ITPRID2: variants seen among roughly 807,000 people sequenced by gnomAD.
ITPRID2 encodes protein ITPRID2.
Under a neutral mutation model 124.3 loss-of-function variants are expected in ITPRID2, and 60 were observed. That is an observed-to-expected ratio of 0.48 (90% CI 0.39 to 0.60). ITPRID2 has a LOEUF of 0.60. Among genes scored for constraint, ITPRID2 ranks in the 20% least tolerant of loss-of-function variants. The pLI is 0.00. For missense variants in ITPRID2, 1,553 were observed against 1,512.2 expected (o/e 1.03, Z -0.45); for synonymous variants, 521 against 542.9 (o/e 0.96, Z 0.56).
chr2:181,893,928 T>A (rs910867825), intron 2 of ITPRID2: 1 of 152,238 alleles, frequency 6.6e-6, no homozygotes, highest in Non-Finnish European at 1.5e-5. Flanking sequence ...TGAGATCTGA[T>A]AAAACTAGTA....
Position 181,921,957 on chromosome 2 carries a change from C to CA in ITPRID2, c.3220_3221insA (p.Leu1074HisfsTer11). Reference sequence around the variant, plus strand: ...TTTTTATGATCTCCAGGTCACTGAACTGATGCAGGAGCAGTCATACCTGAA... The same window carrying CA: ...TTTTTATGATCTCCAGGTCACTGAACATGATGCAGGAGCAGTCATACCTGAA... On this transcript the variant is annotated frameshift_variant, in exon 16 of 18. Coordinates refer to ENST00000431877, the MANE Select transcript of ITPRID2 (RefSeq NM_001130445.3). LOFTEE classifies it high-confidence loss of function. 1.2e-6 allele frequency: 2 copies of CA among 1,613,670 alleles called. No individual in the cohort carries two copies. The highest frequency in any genetic ancestry group is 4.5e-5 in the East Asian group (2 of 44,880).
At chr2:181,918,203 A>G (rs773266033) in intron 11 of ITPRID2, 148 of 622,010 alleles carry the variant, frequency 2.4e-4, no homozygotes, top group Non-Finnish European at 2.9e-4. Context: ...AAATGCTAAG[A>G]TGTCTGAGAA....
rs765517256 is a variant in ITPRID2 at position 181,901,867 on chromosome 2, T to A, written c.814T>A (p.Ser272Thr). Residue 272 changes from serine to threonine, a missense_variant, in exon 8 of 18, where the codon TCC becomes ACC. Physicochemically the swap from Ser to Thr is moderately conservative, Grantham distance 58. Coordinates refer to ENST00000431877, the MANE Select transcript of ITPRID2 (RefSeq NM_001130445.3). ...GTPLQRIGSM[S>T]SVTSNKETDP... is the part of the protein sequence containing the mutation. ...GCCCCTGCAGAGAATTGGAAGTATG[T>A]CCTCAGTGACCTCTAACAAGGAGAC... 8 of 1,613,844 alleles carry A rather than the reference T, an allele frequency of 5.0e-6. No homozygotes were observed. In the East Asian group the frequency reaches 1.6e-4, roughly 31 times the overall value.
chr2:181,923,333 A>G (rs1694622592), intron 16 of ITPRID2, among the ~76,000 whole-genome samples: 1 of 152,242 alleles, frequency 6.6e-6, no homozygotes, highest in Non-Finnish European at 1.5e-5. Context: ...GCAGTTCTCT[A>G]GTATTTCAAT....
chr2:181,916,936 GCA>G (rs1694107403), intron 11 of ITPRID2: 1 of 991,414 alleles, frequency 1.0e-6, no homozygotes, highest in Non-Finnish European at 1.2e-6. Context: ...TCGATGCTGT[GCA>G]CAGAGTTAGT....
chr2:181,906,146 GATACTTT>G (rs1422783851), intron 8 of ITPRID2, among the ~76,000 whole-genome samples: 1 of 152,126 alleles, frequency 6.6e-6, no homozygotes, highest in African/African-American at 2.4e-5. Flanking sequence ...TACGGAAAGA[GATACTTT>G]ATTCATTTTC....
At chr2:181,901,517 G>T (rs374640599) in intron 7 of ITPRID2, among the ~76,000 whole-genome samples, 9 of 152,058 alleles carry the variant, frequency 5.9e-5, no homozygotes, top group Admixed American at 5.9e-4. Context: ...ATTCAATGTT[G>T]CCATTATGCT....
At position 181,919,838 on chromosome 2, in the gene ITPRID2, G is replaced by T; in HGVS notation, c.3144+392G>T. 6.6e-6 allele frequency among the ~76,000 whole-genome samples: 1 copy of T among 151,640 alleles called. No individual in the cohort carries two copies. The highest frequency in any genetic ancestry group is 2.1e-4 in the South Asian group (1 of 4,806). On this transcript the variant is annotated intron_variant, in intron 14 of 17. Transcript: ENST00000431877. This position sits in a 1 kb window ranked among gnomAD's most constrained non-coding sequence, Gnocchi z 4.2. Reference sequence around the variant, plus strand: ...TTCTTTCATGCCTTTAAATAAAAAAGTGTTCCTTTTAAACTTTTTCTTTAT... The same window carrying T: ...TTCTTTCATGCCTTTAAATAAAAAATTGTTCCTTTTAAACTTTTTCTTTAT...
rs192164382 is a variant in ITPRID2 at position 181,929,760 on chromosome 2, T to A, written c.*213T>A. 5 of 657,646 alleles carry A rather than the reference T, an allele frequency of 7.6e-6. No individual in the cohort carries two copies. In the African/African-American group the frequency reaches 9.3e-5, roughly 12 times the overall value. The allele number at this position is 657,646 out of a possible 1,614,324, so 40.7% of individuals were successfully genotyped here. On this transcript the variant is annotated 3_prime_UTR_variant, in exon 18 of 18. Coordinates refer to ENST00000431877, the MANE Select transcript of ITPRID2 (RefSeq NM_001130445.3). ...ACTTTGCTATTTCTTTTCTAAACTATCAAAAACTCTAGCAGTTTGAAAAGC... is the reference window on the plus strand; with the variant it reads ...ACTTTGCTATTTCTTTTCTAAACTAACAAAAACTCTAGCAGTTTGAAAAGC...
In ITPRID2 at chr2:181,905,200, C is replaced by T. The variant is rs1222108867; in HGVS notation, c.1413+2734C>T. 6.6e-6 allele frequency among the ~76,000 whole-genome samples: 1 copy of T among 151,846 alleles called. No individual in the cohort carries two copies. The highest frequency in any genetic ancestry group is 1.5e-5 in the Non-Finnish European group (1 of 67,960). Reference sequence around the variant, plus strand: ...GAGTAGCTGGGATTACAGGCACATACCACCACAGCCAGCTAATTTTTTGTA... The same window carrying T: ...GAGTAGCTGGGATTACAGGCACATATCACCACAGCCAGCTAATTTTTTGTA... On this transcript the variant is annotated intron_variant, in intron 8 of 17. Coordinates refer to ENST00000431877, the MANE Select transcript of ITPRID2 (RefSeq NM_001130445.3). This position sits in a 1 kb window ranked among gnomAD's most constrained non-coding sequence, Gnocchi z 4.1.
At chr2:181,926,090 A>G (rs943072690) in intron 16 of ITPRID2, among the ~76,000 whole-genome samples, 14 of 151,832 alleles carry the variant, frequency 9.2e-5, no homozygotes, top group Non-Finnish European at 1.8e-4. Context: ...CCTGGCCAAC[A>G]TGGTGAAACC....
rs979003363 is a variant in ITPRID2 at position 181,930,578 on chromosome 2, G to C, written c.*1031G>C. 5 of 152,378 alleles carry C rather than the reference G, an allele frequency of 3.3e-5. No homozygotes were observed. Among genetic ancestry groups the C allele is most frequent in the African/African-American group, 1.2e-4 (5 of 41,368 alleles). 9.4% of individuals were successfully genotyped at this position (152,378 alleles called of 1,614,324 possible). A position where few individuals can be genotyped will look rare whatever the true frequency, so the allele number is the denominator to read the frequency against. On this transcript the variant is annotated 3_prime_UTR_variant, in exon 18 of 18. Transcript: ENST00000431877. The stretch of plus-strand genomic sequence containing the variant: ...ATTTATAATTTTTTCAACTCCTATT[G>C]TGTTTCTTTGTGTGTGATATTTTAA...
rs1693494016 is a variant in ITPRID2, at chr2:181,910,259, A to G, written c.1486+288A>G. ...TTGCATAAGAGCTAGTTGGGAAGTG[A>G]TAGAGCAATGGATTAAGACTACCTT... On this transcript the variant is annotated intron_variant, in intron 9 of 17. Coordinates refer to ENST00000431877, the MANE Select transcript of ITPRID2 (RefSeq NM_001130445.3). The surrounding 1 kb of genome is among the most constrained non-coding windows in gnomAD (Gnocchi z 4.1). Among the ~76,000 whole-genome samples, 1 of 152,174 alleles carries G rather than the reference A, an allele frequency of 6.6e-6. No homozygotes were observed. Among genetic ancestry groups the G allele is most frequent in the South Asian group, 2.1e-4 (1 of 4,834 alleles).
At position 181,892,246 on chromosome 2, in the gene ITPRID2, C is replaced by T. The variant is rs1208695069; in HGVS notation, c.180C>T (p.Pro60=). The T allele has an allele frequency of 3.2e-6, 5 of 1,549,058 alleles. No homozygotes were observed. The highest frequency in any genetic ancestry group is 4.4e-6 in the Non-Finnish European group (5 of 1,146,172). The change falls in exon 1 of 18, where the codon CCC becomes CCT. Residue 60 remains proline, a synonymous_variant. Transcript: ENST00000431877. This position sits in a 1 kb window ranked among gnomAD's most constrained non-coding sequence, Gnocchi z 5.2. ...DEEEDEEEDL[P]GAQLPAAGGR... is the part of the protein sequence containing the mutation. Reference sequence around the variant, plus strand: ...AGGAGGACGAGGAGGAGGACCTCCCCGGCGCGCAGCTGCCGGCAGCGGGGG... The same window carrying T: ...AGGAGGACGAGGAGGAGGACCTCCCTGGCGCGCAGCTGCCGGCAGCGGGGG...
Position 181,915,428 on chromosome 2 carries a change from C to G in ITPRID2, c.1788C>G (p.Phe596Leu), listed in dbSNP as rs771601305. ...AAAGAAAATCAGGTAGCCAGGATTT[C>G]CCTCAGTGCAACACCATTGAGAATA... is the stretch of plus-strand genomic sequence containing the variant. Reference protein sequence around the residue: ...ADKRKSGSQDFPQCNTIENTG... With the variant: ...ADKRKSGSQDLPQCNTIENTG... The change falls in exon 11 of 18, where the codon TTC becomes TTG. Residue 596 changes from phenylalanine to leucine, a missense_variant. Phe to Leu is a conservative substitution (Grantham distance 22, BLOSUM62 0). Transcript: ENST00000431877. 3.1e-6 allele frequency: 5 copies of G among 1,614,020 alleles called. No homozygotes were observed. The South Asian group carries it at 4.4e-5, about 14-fold the overall frequency.
In ITPRID2 at chr2:181,920,589, CT is replaced by C; in HGVS notation, c.3145-4del. On this transcript the variant is annotated splice_polypyrimidine_tract_variant and splice_region_variant and intron_variant, in intron 14 of 17. Coordinates refer to ENST00000431877, the MANE Select transcript of ITPRID2 (RefSeq NM_001130445.3). ...ATATACATATATATATTGTTCTTAC[CT>C]TTTCAGGGAATGTGTGGCAGTAGAA... 6.2e-7 allele frequency: 1 copy of C among 1,609,268 alleles called. No homozygotes were observed. The highest frequency in any genetic ancestry group is 1.3e-5 in the African/African-American group (1 of 74,824).
chr2:181,928,064 T>C, intron 16 of ITPRID2, 97 bp from the exon 17 acceptor site: 1 of 766,676 alleles, frequency 1.3e-6, no homozygotes, highest in Non-Finnish European at 2.1e-6. Context: ...AAGGTGAAAT[T>C]AAGAAATTGA....
chr2:181,892,668 C>T lies in ITPRID2; in HGVS notation c.257+8C>T, dbSNP rs1177064919. 3.1e-6 allele frequency: 5 copies of T among 1,613,922 alleles called. No individual in the cohort carries two copies. In the African/African-American group the frequency reaches 5.3e-5, roughly 17 times the overall value. On this transcript the variant is annotated splice_region_variant and intron_variant, in intron 2 of 17. Transcript: ENST00000431877. This position sits in a 1 kb window ranked among gnomAD's most constrained non-coding sequence, Gnocchi z 5.2. ...ATGGCTCAAGGACTGCCGGTGAGTG[C>T]TCCCTGGTCCGCCCGCGTCCCGGGG...
Position 181,900,814 on chromosome 2 carries a change from T to C in ITPRID2, c.622T>C (p.Ser208Pro), listed in dbSNP as rs1452356952. The C allele has an allele frequency of 6.2e-7, 1 of 1,613,262 alleles. No individual in the cohort carries two copies. The highest frequency in any genetic ancestry group is 1.3e-5 in the African/African-American group (1 of 74,890). The change falls in exon 7 of 18, where the codon TCA (serine) becomes CCA (proline). Residue 208 changes from serine (S) to proline (P), a missense_variant. Ser to Pro is a moderately conservative substitution (Grantham distance 74, BLOSUM62 -1). Coordinates refer to ENST00000431877, the MANE Select transcript of ITPRID2 (RefSeq NM_001130445.3). ...SKIPSRFFNSSSFAKGIDIKV... is the reference protein window; with the variant it reads ...SKIPSRFFNSPSFAKGIDIKV... ...AATTCCTTCCAGATTTTTTAATTCATCATCCTTTGCCAAAGGGATAGATAT... is the reference window on the plus strand; with the variant it reads ...AATTCCTTCCAGATTTTTTAATTCACCATCCTTTGCCAAAGGGATAGATAT...
Sources: gnomAD v4.1 joint callset for allele counts (sites outside exome capture counted in the v4.1 genomes callset) on GRCh38, gnomAD v4.1.1 for gene constraint, Gnocchi (gnomAD v3.1) non-coding constraint, MANE v1.5 for transcripts, NCBI Gene and HGNC (gene_info 2026-07-23, HGNC 2026-07-21) for gene names.